The following AP3B1 variants were observed in gnomAD, a reference collection of about 807,000 sequenced individuals.
AP3B1 encodes AP-3 complex subunit beta-1.
AP3B1 carries 61 observed loss-of-function variants against 132.5 expected under a neutral mutation model. The observed-to-expected ratio is 0.46, with a 90% CI of 0.37 to 0.57. The LOEUF (loss-of-function observed/expected upper bound fraction) is 0.57, where lower values mean the gene tolerates loss of function less well. AP3B1 is among the 20% of genes least tolerant of loss of function. The pLI is 0.00. For synonymous variants in AP3B1, 388 were observed against 438.3 expected (o/e 0.89, Z 1.43); for missense variants, 1,120 against 1,289.4 (o/e 0.87, Z 2.01).
chr5:78,215,706 G>C (rs912891878), intron 7 of AP3B1, among the ~76,000 whole-genome samples: 2 of 152,098 alleles, frequency 1.3e-5, no homozygotes, highest in Non-Finnish European at 1.5e-5. Context: ...TGGAATAGCT[G>C]GGGCTCAAAG....
intron 7 of AP3B1, among the ~76,000 whole-genome samples, chr5:78,193,770 A>ATATATATATATATTTT: frequency 4.5e-5 from 3 of 67,212 alleles, no homozygotes; most frequent in African/African-American, 1.6e-4. Flanking sequence ...ATATATATAT[A>ATATATATATATATTTT]TTTTTTTTTT....
At chr5:78,033,355 A>G (rs1407159560) in intron 24 of AP3B1, among the ~76,000 whole-genome samples, 1 of 152,122 alleles carries the variant, frequency 6.6e-6, no homozygotes, top group Non-Finnish European at 1.5e-5. Flanking sequence ...TGATCTGCAT[A>G]AAATCAATGT....
intron 17 of AP3B1, 31 bp downstream of exon 17, chr5:78,127,999 G>A (rs1214185886): frequency 1.2e-6 from 2 of 1,609,040 alleles, no homozygotes; most frequent in East Asian, 2.2e-5. Context: ...CCACTGCTTT[G>A]GCAAAATTAA....
rs1434359169 is a variant in AP3B1 at position 78,223,110 on chromosome 5, T to C, written c.603+2432A>G. On this transcript the variant is annotated intron_variant, in intron 6 of 26. Transcript: ENST00000255194. Reference sequence around the variant, plus strand: ...CCTGGACTCAAGCAATCCATCCACCTTGGCCTCCCAAAGTGCTAGGATTAC... The same window carrying C: ...CCTGGACTCAAGCAATCCATCCACCCTGGCCTCCCAAAGTGCTAGGATTAC... 2.0e-5 allele frequency among the ~76,000 whole-genome samples: 3 copies of C among 146,736 alleles called. No homozygotes were observed. In the East Asian group the frequency reaches 6.2e-4, roughly 30 times the overall value.
intron 22 of AP3B1, among the ~76,000 whole-genome samples, chr5:78,054,416 C>A (rs867395907): frequency 2.0e-5 from 3 of 151,858 alleles, no homozygotes; most frequent in Non-Finnish European, 4.4e-5. Flanking sequence ...GGAATGGGCC[C>A]CATAAGAGGA....
chr5:78,123,898 T>C (rs1458456261), intron 17 of AP3B1, among the ~76,000 whole-genome samples: 4 of 152,166 alleles, frequency 2.6e-5, no homozygotes, highest in Non-Finnish European at 4.4e-5. Flanking sequence ...CACAGGCACA[T>C]GTATGTTTAT....
chr5:78,237,566 G>T (rs960208811), intron 3 of AP3B1, among the ~76,000 whole-genome samples: 3 of 152,106 alleles, frequency 2.0e-5, no homozygotes, highest in African/African-American at 7.2e-5. Context: ...CCAGCACTTT[G>T]GGAGGCCAAG....
rs537076525 is a variant in AP3B1, at chr5:78,177,514, T to C, written c.943-78A>G. On this transcript the variant is annotated intron_variant, in intron 8 of 26. Coordinates refer to ENST00000255194, the MANE Select transcript of AP3B1 (RefSeq NM_003664.5). ...AACCTCAAAATCCATTCCTACACAT[T>C]ATTTCCTCTAAGTCCTACAAATTCC... The C allele has an allele frequency of 3.6e-5, 37 of 1,037,336 alleles. No homozygotes were observed. The South Asian group carries it at 4.7e-4, about 13-fold the overall frequency. The allele number at this position is 1,037,336 out of a possible 1,614,324, so 64.3% of individuals were successfully genotyped here. A position where few individuals can be genotyped will look rare whatever the true frequency, so the allele number is the denominator to read the frequency against.
chr5:78,070,364 G>A (rs565710715), intron 22 of AP3B1, among the ~76,000 whole-genome samples: 7 of 150,076 alleles, frequency 4.7e-5, no homozygotes, highest in East Asian at 2.0e-4. Context: ...CAGAGATCAC[G>A]CTACTGCACT....
At chr5:78,015,203 G>A (rs751269622) in intron 26 of AP3B1, among the ~76,000 whole-genome samples, 4 of 152,008 alleles carry the variant, frequency 2.6e-5, no homozygotes, top group Non-Finnish European at 4.4e-5. Flanking sequence ...GAAAGACCAT[G>A]CCAGTATGAT....
At chr5:78,209,278 A>G (rs1168819364) in intron 7 of AP3B1, among the ~76,000 whole-genome samples, 1 of 152,196 alleles carries the variant, frequency 6.6e-6, no homozygotes, top group African/African-American at 2.4e-5. Flanking sequence ...AAAGCCAACC[A>G]GCATTAACAT....
chr5:78,194,791 T>C (rs113790166), intron 7 of AP3B1, among the ~76,000 whole-genome samples: 26 of 152,348 alleles, frequency 1.7e-4, no homozygotes, highest in African/African-American at 6.3e-4. Flanking sequence ...GTATCCATAT[T>C]CCAAGGTAAT....
At chr5:78,283,822 T>C (rs532570243) in intron 1 of AP3B1, among the ~76,000 whole-genome samples, 14 of 142,926 alleles carry the variant, frequency 9.8e-5, no homozygotes, top group African/African-American at 3.2e-4. Flanking sequence ...GTAGCCAAGG[T>C]GATCTTTTTA....
chr5:78,097,264 C>A (rs866826595), intron 21 of AP3B1, among the ~76,000 whole-genome samples: 1,368 of 77,040 alleles, frequency 0.018, 39 homozygotes, highest in Admixed American at 0.032. Flanking sequence ...CCCGGCCAGC[C>A]ACCCCGTCCG....
chr5:78,207,257 CA>C (rs35228759), intron 7 of AP3B1, among the ~76,000 whole-genome samples: 23,898 of 115,980 alleles, frequency 0.21, 2,045 homozygotes, highest in Admixed American at 0.29. Flanking sequence ...GACTCAGTGT[CA>C]AAAAAAAAAA....
intron 21 of AP3B1, among the ~76,000 whole-genome samples, chr5:78,093,948 G>C (rs1750653093): frequency 6.6e-6 from 1 of 152,206 alleles, no homozygotes; most frequent in Non-Finnish European, 1.5e-5. Flanking sequence ...TTGCTCCACT[G>C]TCCTCTTAGT....
At chr5:78,112,563 C>T (rs1751641664) in intron 19 of AP3B1, among the ~76,000 whole-genome samples, 1 of 152,138 alleles carries the variant, frequency 6.6e-6, no homozygotes. Flanking sequence ...CTTTCCCTTT[C>T]TAGAAACAGG....
intron 21 of AP3B1, among the ~76,000 whole-genome samples, chr5:78,100,354 C>T (rs1015110757): frequency 5.3e-5 from 8 of 152,194 alleles, no homozygotes; most frequent in African/African-American, 1.9e-4. Context: ...CTCTCTCTCA[C>T]TATGCAGGAG....
rs149263390 is a variant in AP3B1, at chr5:78,129,160, C to A, written c.1798G>T (p.Ala600Ser). ...LSKYAKKIFL[A>S]QKPAPLLESP... ...TCAAGCAGTGGTGCAGGCTTTTGTG[C>A]TAGGAATATTTTTTTGGCATATTTA... Residue 600 changes from alanine to serine, a missense_variant, in exon 16 of 27, where the codon GCA (alanine) becomes TCA (serine). Ala to Ser is a moderately conservative substitution (Grantham distance 99). Around this residue, in one of 3 missense-constraint regions of AP3B1, gnomAD observed 906 missense variants for 997.1 expected, o/e 0.91. Transcript: ENST00000255194. 8.5e-5 allele frequency: 137 copies of A among 1,613,184 alleles called. No homozygotes were observed. The African/African-American group carries it at 1.7e-3, about 20-fold the overall frequency.
Sources: allele counts gnomAD v4.1 joint callset (sites outside exome capture counted in the v4.1 genomes callset), GRCh38; gene constraint gnomAD v4.1.1; regional missense constraint gnomAD v4.1.1; transcripts MANE v1.5; gene names NCBI Gene and HGNC (gene_info 2026-07-23, HGNC 2026-07-21).